SYNRG: variants seen among roughly 807,000 people sequenced by gnomAD.
SYNRG encodes AP1 gamma subunit binding protein 1.
A neutral mutation model predicts 130.9 loss-of-function variants in SYNRG; 37 were observed. The observed-to-expected ratio is 0.28, with a 90% CI of 0.22 to 0.37. The LOEUF is 0.37. SYNRG is among the 10% of genes least tolerant of loss of function. The pLI is 1.00. For missense variants in SYNRG, 1,338 were observed against 1,588.9 expected, an observed-to-expected ratio of 0.84 and a Z score of 2.68; for synonymous variants, 539 against 568.1, an observed-to-expected ratio of 0.95 and a Z score of 0.73.
At chr17:37,550,697 CAA>C (rs59108421) in intron 14 of SYNRG, among the ~76,000 whole-genome samples, 87 of 134,954 alleles carry the variant, frequency 6.4e-4, no homozygotes, top group African/African-American at 8.6e-4. Context: ...GAAAAGCAGC[CAA>C]AAAAAAAAAA....
At chr17:37,565,324 G>A (rs1223481150) in intron 11 of SYNRG, among the ~76,000 whole-genome samples, 2 of 151,958 alleles carry the variant, frequency 1.3e-5, no homozygotes, top group East Asian at 3.9e-4. Flanking sequence ...AGAGCTGTAT[G>A]TAAGAGGAAT....
At chr17:37,519,514 A>C (rs2054722441) in intron 21 of SYNRG, among the ~76,000 whole-genome samples, 1 of 152,012 alleles carries the variant, frequency 6.6e-6, no homozygotes, top group Non-Finnish European at 1.5e-5. Flanking sequence ...ATTACAAGAG[A>C]GTTAGAGAAC....
intron 1 of SYNRG, among the ~76,000 whole-genome samples, chr17:37,606,407 G>A (rs1393021482): frequency 6.6e-6 from 1 of 152,210 alleles, no homozygotes; most frequent in African/African-American, 2.4e-5. Flanking sequence ...CCCTCTAAAA[G>A]CTTGTAAAAG....
chr17:37,601,146 C>T (rs1322343906), intron 1 of SYNRG, among the ~76,000 whole-genome samples: 1 of 152,140 alleles, frequency 6.6e-6, no homozygotes. Flanking sequence ...TGGCTCACTG[C>T]AGCCTCCACC....
In SYNRG at chr17:37,585,328, G is replaced by A; in HGVS notation, c.474C>T (p.Pro158=). 6.2e-7 allele frequency: 1 copy of A among 1,611,616 alleles called. No individual in the cohort carries two copies. Residue 158 remains proline, a synonymous_variant, in exon 5 of 22, where the codon CCC becomes CCT. Transcript: ENST00000612223. ...QKLRLLSSVK[P]KTGEKSRDDA... is the part of the protein sequence containing the mutation. ...AAGAGAAGTATTGAAATACTACCTTGGGTTTCACACTGCTCAAAAGTCTGA... is the reference window on the plus strand; with the variant it reads ...AAGAGAAGTATTGAAATACTACCTTAGGTTTCACACTGCTCAAAAGTCTGA...
At chr17:37,596,657 C>G (rs2062800649) in intron 2 of SYNRG, among the ~76,000 whole-genome samples, 1 of 152,208 alleles carries the variant, frequency 6.6e-6, no homozygotes, top group Non-Finnish European at 1.5e-5. Context: ...TGACCTCTGT[C>G]TCCTGGTATT....
At chr17:37,570,567 T>C in intron 10 of SYNRG, 70 bp downstream of exon 10, 1 of 1,533,722 alleles carries the variant, frequency 6.5e-7, no homozygotes, top group Admixed American at 2.0e-5. Context: ...ACTCTATGTA[T>C]CCCCGGAAAA....
chr17:37,609,212 A>C, intron 1 of SYNRG, 67 bp downstream of exon 1: 1 of 1,365,722 alleles, frequency 7.3e-7, no homozygotes, highest in Non-Finnish European at 9.4e-7. Flanking sequence ...AAACTGCCAT[A>C]ACTGCCAAGC....
At chr17:37,582,140 T>C (rs2061385623) in intron 6 of SYNRG, among the ~76,000 whole-genome samples, 1 of 152,174 alleles carries the variant, frequency 6.6e-6, no homozygotes, top group Admixed American at 6.5e-5. Flanking sequence ...TTTTTTTTTG[T>C]CACTGACTTG....
chr17:37,608,669 C>CA (rs1282160639), intron 1 of SYNRG, among the ~76,000 whole-genome samples: 2 of 152,156 alleles, frequency 1.3e-5, no homozygotes, highest in African/African-American at 4.8e-5. Flanking sequence ...AAAAAGAAGA[C>CA]AGACAAGTCT....
Position 37,520,659 on chromosome 17 carries a change from G to A in SYNRG, c.3667-11C>T, listed in dbSNP as rs572815035. On this transcript the variant is annotated splice_polypyrimidine_tract_variant and intron_variant, in intron 19 of 21. Transcript: ENST00000612223. ...CGAGTTTTCATCTGGCTGTGAGGAC[G>A]ACAAGACAAATGGGTAAGAAGTCCA... 2.9e-5 allele frequency: 46 copies of A among 1,610,568 alleles called. No homozygotes were observed. Among genetic ancestry groups the A allele is most frequent in the Middle Eastern group, 1.6e-4 (1 of 6,080 alleles).
chr17:37,598,514 G>A (rs1040811799), intron 2 of SYNRG, among the ~76,000 whole-genome samples: 2 of 152,166 alleles, frequency 1.3e-5, no homozygotes, highest in African/African-American at 4.8e-5. Context: ...GGGTAACTCA[G>A]ATATCTGGCA....
In SYNRG at chr17:37,571,911, C is replaced by T. The variant is rs1346339069; in HGVS notation, c.978G>A (p.Met326Ile). 2.5e-6 allele frequency: 4 copies of T among 1,614,182 alleles called. No individual in the cohort carries two copies. The highest frequency in any genetic ancestry group is 2.5e-6 in the Non-Finnish European group (3 of 1,180,016). ...GAGTTTCCCTGGGAAGCCCAGATGA[C>T]ATCAGAATGGGATACAGTTTGGCAG... ...IDTAKLYPIL[M>I]SSGLPRETLG... Residue 326 changes from methionine (M) to isoleucine (I), a missense_variant, in exon 9 of 22, where the codon ATG becomes ATA. Physicochemically the swap from Met to Ile is conservative, Grantham distance 10. This residue lies in a region of SYNRG where 1,146 missense variants were observed against 1,342.3 expected (regional missense o/e 0.85). Coordinates refer to ENST00000612223, the MANE Select transcript of SYNRG (RefSeq NM_007247.6).
At chr17:37,574,476 G>A (rs186775606) in intron 8 of SYNRG, among the ~76,000 whole-genome samples, 2 of 152,224 alleles carry the variant, frequency 1.3e-5, no homozygotes, top group African/African-American at 2.4e-5. Context: ...CCCACAGAAC[G>A]GGAGAAAATA....
At chr17:37,564,389 C>T (rs911785100) in intron 11 of SYNRG, among the ~76,000 whole-genome samples, 5 of 152,176 alleles carry the variant, frequency 3.3e-5, no homozygotes, top group African/African-American at 1.2e-4. Flanking sequence ...TAACTCTAAA[C>T]CCTGAGTAAT....
chr17:37,524,018 T>A (rs754185555), intron 19 of SYNRG, among the ~76,000 whole-genome samples: 23 of 152,230 alleles, frequency 1.5e-4, no homozygotes, highest in Admixed American at 4.6e-4. Context: ...GGCTCGAGAC[T>A]GCACAGGCGC....
At chr17:37,525,995 T>G (rs2055859337) in intron 19 of SYNRG, among the ~76,000 whole-genome samples, 2 of 151,606 alleles carry the variant, frequency 1.3e-5, no homozygotes, top group Non-Finnish European at 2.9e-5. Flanking sequence ...TGGCCGGACG[T>G]GGTGGCGGGT....
At chr17:37,543,662 T>C (rs72830405) in intron 14 of SYNRG, among the ~76,000 whole-genome samples, 4,556 of 152,314 alleles carry the variant, frequency 0.03, 90 homozygotes, top group Non-Finnish European at 0.043. Flanking sequence ...AGCTAGTGTC[T>C]GCTCAGCATA....
intron 19 of SYNRG, among the ~76,000 whole-genome samples, chr17:37,521,948 C>G (rs1236719531): frequency 6.6e-6 from 1 of 152,038 alleles, no homozygotes; most frequent in Non-Finnish European, 1.5e-5. Context: ...CCAAGCTGAG[C>G]TGGAGCTGCC....
Sources: gnomAD v4.1 joint callset for allele counts (sites outside exome capture counted in the v4.1 genomes callset) on GRCh38, gnomAD v4.1.1 for gene constraint, gnomAD v4.1.1 regional missense constraint, MANE v1.5 for transcripts, NCBI Gene and HGNC (gene_info 2026-07-23, HGNC 2026-07-21) for gene names.